Variants in EBF3 observed in about 807,000 individuals in gnomAD.
EBF3 encodes the protein EBF transcription factor 3, also known as transcription factor COE3.
Under a neutral mutation model 77.1 loss-of-function variants are expected in EBF3, and 18 were observed. The ratio of observed to expected loss-of-function variants is 0.23; its 90% CI spans 0.16 to 0.35. EBF3 has a LOEUF of 0.35. Among genes scored for constraint, EBF3 ranks in the 10% least tolerant of loss-of-function variants. The probability of loss-of-function intolerance (pLI) is 1.00; values close to 1 mark genes in which losing one functional copy is unlikely to be tolerated. For synonymous variants in EBF3, 350 were observed against 343.5 expected (o/e 1.02, Z -0.21); for missense variants, 558 against 860.0 (o/e 0.65, Z 4.39).
rs555821140 is a variant in EBF3 at position 129,870,263 on chromosome 10, T to C, written c.782-2351A>G. On this transcript the variant is annotated intron_variant, in intron 8 of 16. Transcript: ENST00000440978. The surrounding 1 kb of genome is among the most constrained non-coding windows in gnomAD (Gnocchi z 4.4). ...GGGAACATGTGTTCAATGGGAACCA[T>C]AGCAAAATGAATTACACAGACAGCG... Among the ~76,000 whole-genome samples the C allele has an allele frequency of 6.6e-5, 10 of 152,142 alleles. No homozygotes were observed. The highest frequency in any genetic ancestry group is 1.9e-4 in the East Asian group (1 of 5,148).
chr10:129,867,319 C>T lies in EBF3; in HGVS notation c.913-52G>A, dbSNP rs141284734. ...GCTCAGCGGCGCTGGCTATGAGAGG[C>T]GGACACTTGCCAGTTGGATATAATT... On this transcript the variant is annotated intron_variant, in intron 9 of 16. Coordinates refer to ENST00000440978, the MANE Select transcript of EBF3 (RefSeq NM_001375380.1). The T allele has an allele frequency of 5.0e-6, 8 of 1,604,506 alleles. No individual in the cohort carries two copies. In the African/African-American group the frequency reaches 5.4e-5, roughly 11 times the overall value.
rs1473533921 is a variant in EBF3, at chr10:129,879,814, G to C, written c.555-1965C>G. ...CACTGCATTTGAACTGCATCAGAAA[G>C]GGCCTAACAAGGTGAGGGCGCCACC... On this transcript the variant is annotated intron_variant, in intron 6 of 16. Transcript: ENST00000440978. This position sits in a 1 kb window ranked among gnomAD's most constrained non-coding sequence, Gnocchi z 4.7. Among the ~76,000 whole-genome samples the C allele has an allele frequency of 6.6e-6, 1 of 152,184 alleles. No individual in the cohort carries two copies. Among genetic ancestry groups the C allele is most frequent in the Non-Finnish European group, 1.5e-5 (1 of 68,032 alleles).
intron 5 of EBF3, among the ~76,000 whole-genome samples, chr10:129,958,481 G>C (rs1008490404): frequency 6.6e-6 from 1 of 152,152 alleles, no homozygotes; most frequent in African/African-American, 2.4e-5. Context: ...TAGGGAAGAG[G>C]TTAACTGACA....
chr10:129,914,980 C>T lies in EBF3; in HGVS notation c.555-37131G>A, dbSNP rs1460565497. Among the ~76,000 whole-genome samples the T allele has an allele frequency of 7.9e-5, 12 of 152,338 alleles. No individual in the cohort carries two copies. In the East Asian group the frequency reaches 1.9e-3, roughly 25 times the overall value. On this transcript the variant is annotated intron_variant, in intron 6 of 16. Coordinates refer to ENST00000440978, the MANE Select transcript of EBF3 (RefSeq NM_001375380.1). ...ATCTGTGAAAAGAGAACATGCTTTGCATGGCTGTGGGACAGAGCCCCTGAG... is the reference window on the plus strand; with the variant it reads ...ATCTGTGAAAAGAGAACATGCTTTGTATGGCTGTGGGACAGAGCCCCTGAG...
At chr10:129,922,088 G>C (rs918588688) in intron 6 of EBF3, among the ~76,000 whole-genome samples, 1 of 152,230 alleles carries the variant, frequency 6.6e-6, no homozygotes, top group Non-Finnish European at 1.5e-5. Flanking sequence ...GGGAGGCCTT[G>C]AGGGGTGACC....
Position 129,897,755 on chromosome 10 carries a change from C to T in EBF3, c.555-19906G>A, listed in dbSNP as rs987742808. On this transcript the variant is annotated intron_variant, in intron 6 of 16. Coordinates refer to ENST00000440978, the MANE Select transcript of EBF3 (RefSeq NM_001375380.1). This position sits in a 1 kb window ranked among gnomAD's most constrained non-coding sequence, Gnocchi z 4.6. ...CCAAATGTCAAAGCCTGAATATTTT[C>T]CCCAGTTTCTTGAAATGACATCTTA... Among the ~76,000 whole-genome samples, 11 of 152,128 alleles carry T rather than the reference C, an allele frequency of 7.2e-5. No homozygotes were observed. Among genetic ancestry groups the T allele is most frequent in the African/African-American group, 2.7e-4 (11 of 41,426 alleles).
At chr10:129,950,375 G>A (rs1393030136) in intron 6 of EBF3, among the ~76,000 whole-genome samples, 1 of 152,224 alleles carries the variant, frequency 6.6e-6, no homozygotes, top group Non-Finnish European at 1.5e-5. Context: ...AGGAATTGGA[G>A]AGGGATCGTT....
chr10:129,877,763 T>C lies in EBF3; in HGVS notation c.636+5A>G. On this transcript the variant is annotated splice_donor_5th_base_variant and intron_variant, in intron 7 of 16. Coordinates refer to ENST00000440978, the MANE Select transcript of EBF3 (RefSeq NM_001375380.1). ...ACGGTCCACGTGTCTTTGAGAAATG[T>C]ATACCTGGAATCTCCGCATATCTCG... 6.2e-7 allele frequency: 1 copy of C among 1,612,922 alleles called. No individual in the cohort carries two copies. Among genetic ancestry groups the C allele is most frequent in the South Asian group, 1.1e-5 (1 of 90,848 alleles).
intron 6 of EBF3, among the ~76,000 whole-genome samples, chr10:129,936,756 G>C (rs1171820731): frequency 6.7e-6 from 1 of 150,284 alleles, no homozygotes; most frequent in Non-Finnish European, 1.5e-5. Context: ...CCTCAGCTGT[G>C]TGGGGACCCA....
intron 16 of EBF3, 39 bp from the exon 17 acceptor site, chr10:129,837,999 C>G (rs559476871): frequency 4.3e-6 from 7 of 1,613,438 alleles, no homozygotes; most frequent in Non-Finnish European, 5.9e-6. Flanking sequence ...TGCAGGCTCC[C>G]CCACGCGCCC....
At chr10:129,895,121 C>T (rs1854278831) in intron 6 of EBF3, among the ~76,000 whole-genome samples, 1 of 152,246 alleles carries the variant, frequency 6.6e-6, no homozygotes, top group South Asian at 2.1e-4. Flanking sequence ...CTGGGCGAGA[C>T]ACTTAATTTT....
rs1850115952 is a variant in EBF3, at chr10:129,842,215, G to A, written c.1273C>T (p.Leu425=). 1.2e-6 allele frequency: 2 copies of A among 1,614,112 alleles called. No individual in the cohort carries two copies. Among genetic ancestry groups the A allele is most frequent in the Non-Finnish European group, 1.7e-6 (2 of 1,180,050 alleles). The part of the protein sequence containing the change: ...VPRNHNQIPT[L]GNNPAHTGMM... Reference sequence around the variant, plus strand: ...CCCGTGTGTGCAGGGTTGTTGCCCAGGGTGGGGATCTGGTTGTGATTGCGG... The same window carrying A: ...CCCGTGTGTGCAGGGTTGTTGCCCAAGGTGGGGATCTGGTTGTGATTGCGG... The change falls in exon 13 of 17, where the codon CTG becomes TTG. Residue 425 remains leucine, a synonymous_variant. Coordinates refer to ENST00000440978, the MANE Select transcript of EBF3 (RefSeq NM_001375380.1). The surrounding 1 kb of genome is among the most constrained non-coding windows in gnomAD (Gnocchi z 4.4).
chr10:129,849,407 A>G (rs1850701441), intron 10 of EBF3, among the ~76,000 whole-genome samples: 1 of 152,230 alleles, frequency 6.6e-6, no homozygotes, highest in African/African-American at 2.4e-5. Flanking sequence ...AAGACCTGCC[A>G]CCATCTATTC....
At chr10:129,867,092 G>T (rs1168759328) in intron 10 of EBF3, 49 bp downstream of exon 10, 1 of 1,589,240 alleles carries the variant, frequency 6.3e-7, no homozygotes, top group Admixed American at 1.8e-5. Context: ...CTCCTGGTGG[G>T]GAGGAGGCCT....
At chr10:129,932,710 A>G (rs1857104439) in intron 6 of EBF3, among the ~76,000 whole-genome samples, 1 of 152,142 alleles carries the variant, frequency 6.6e-6, no homozygotes, top group Non-Finnish European at 1.5e-5. Context: ...ACAAACTAAA[A>G]TGTGGGAAAC....
At position 129,943,437 on chromosome 10, in the gene EBF3, A is replaced by C. The variant is rs184332663; in HGVS notation, c.554+13821T>G. 3.7e-4 allele frequency among the ~76,000 whole-genome samples: 57 copies of C among 152,340 alleles called. No homozygotes were observed. Among genetic ancestry groups the C allele is most frequent in the African/African-American group, 1.2e-3 (49 of 41,584 alleles). ...ATTTCATTTTAAAAGTATCGCTAAAATTTGATGTCCCTTGGGATTTGTGGT... is the reference window on the plus strand; with the variant it reads ...ATTTCATTTTAAAAGTATCGCTAAACTTTGATGTCCCTTGGGATTTGTGGT... On this transcript the variant is annotated intron_variant, in intron 6 of 16. Transcript: ENST00000440978. This position sits in a 1 kb window ranked among gnomAD's most constrained non-coding sequence, Gnocchi z 8.8.
At chr10:129,875,194 T>C (rs1176140347) in intron 7 of EBF3, among the ~76,000 whole-genome samples, 3 of 116,950 alleles carry the variant, frequency 2.6e-5, no homozygotes, top group African/African-American at 9.0e-5. Context: ...CTTCTTTTTT[T>C]TTTTTTTTTT....
At chr10:129,945,057 CGGGGA>C (rs1244566200) in intron 6 of EBF3, among the ~76,000 whole-genome samples, 9 of 72,752 alleles carry the variant, frequency 1.2e-4, no homozygotes, top group East Asian at 4.8e-4. Flanking sequence ...GGAAGATGGG[CGGGGA>C]GGGGAGGGGA....
chr10:129,937,651 C>T (rs910611180), intron 6 of EBF3, among the ~76,000 whole-genome samples: 5 of 152,176 alleles, frequency 3.3e-5, no homozygotes, highest in African/African-American at 4.8e-5. Flanking sequence ...CCCGTGCCCA[C>T]GCAGCACCAG....
Sources: allele counts gnomAD v4.1 joint callset (sites outside exome capture counted in the v4.1 genomes callset), GRCh38; gene constraint gnomAD v4.1.1; non-coding constraint Gnocchi (gnomAD v3.1); transcripts MANE v1.5; gene names NCBI Gene and HGNC (gene_info 2026-07-23, HGNC 2026-07-21).